Variants in CALD1 observed in about 807,000 individuals in gnomAD.
CALD1 encodes the protein caldesmon.
CALD1 carries 33 observed loss-of-function variants against 99.9 expected under a neutral mutation model. The observed-to-expected ratio is 0.33, with a 90% confidence interval of 0.25 to 0.44. The LOEUF is 0.44. Among genes scored for constraint, CALD1 ranks in the 20% least tolerant of loss-of-function variants. The pLI, the probability that CALD1 is intolerant of heterozygous loss-of-function variation, is 1.00. For synonymous variants in CALD1, 310 were observed against 325.0 expected (o/e 0.95, Z 0.50); for missense variants, 861 against 962.1 (o/e 0.89, Z 1.39).
chr7:134,818,933 C>T (rs1798664017), intron 1 of CALD1, among the ~76,000 whole-genome samples: 1 of 152,166 alleles, frequency 6.6e-6, no homozygotes, highest in South Asian at 2.1e-4. Flanking sequence ...GAGGAAAACA[C>T]AGGAGACTGG....
chr7:134,737,337 C>T, the CALD1 span, among the ~76,000 whole-genome samples: 1 of 152,076 alleles, frequency 6.6e-6, no homozygotes, highest in African/African-American at 2.4e-5. Flanking sequence ...CCAACTTTCC[C>T]AGGCTGGTCT....
intron 7 of CALD1, among the ~76,000 whole-genome samples, chr7:134,942,543 T>C (rs1025680395): frequency 1.3e-5 from 2 of 152,208 alleles, no homozygotes; most frequent in African/African-American, 4.8e-5. Context: ...GCCAAGAGAA[T>C]AGATGTGAAA....
chr7:134,858,708 T>C (rs1276522131), intron 2 of CALD1, among the ~76,000 whole-genome samples: 1 of 152,090 alleles, frequency 6.6e-6, no homozygotes, highest in Non-Finnish European at 1.5e-5. Flanking sequence ...TAGCTGGGAC[T>C]ACAGGTGTGC....
At chr7:134,779,813 C>T (rs1162914484) in intron 1 of CALD1, 64 bp downstream of exon 1, 1 of 397,434 alleles carries the variant, frequency 2.5e-6, no homozygotes, top group Non-Finnish European at 4.4e-6. Context: ...CTCCGGCTTT[C>T]AGTCAACATT....
chr7:134,897,530 A>C (rs964491587), intron 3 of CALD1, among the ~76,000 whole-genome samples: 23 of 152,112 alleles, frequency 1.5e-4, no homozygotes, highest in Non-Finnish European at 2.6e-4. Context: ...CAGAAGCTGC[A>C]GATGGGTCAC....
intron 3 of CALD1, among the ~76,000 whole-genome samples, chr7:134,915,177 T>G (rs1257738589): frequency 1.3e-5 from 2 of 152,200 alleles, no homozygotes; most frequent in South Asian, 2.1e-4. Flanking sequence ...TAGGCCCCCA[T>G]GCCTCCTCCT....
At chr7:134,963,701 T>TA (rs1266883257) in intron 13 of CALD1, among the ~76,000 whole-genome samples, 1 of 152,210 alleles carries the variant, frequency 6.6e-6, no homozygotes, top group Admixed American at 6.5e-5. Context: ...CTAAGCTGTA[T>TA]AACTGTTATC....
intron 1 of CALD1, among the ~76,000 whole-genome samples, chr7:134,767,760 T>C (rs1474449906): frequency 6.6e-6 from 1 of 152,220 alleles, no homozygotes; most frequent in African/African-American, 2.4e-5. Context: ...CTCTGGTGCC[T>C]GTCAGAGCTT....
intron 9 of CALD1, among the ~76,000 whole-genome samples, chr7:134,956,989 C>T (rs1807822199): frequency 6.6e-6 from 1 of 151,044 alleles, no homozygotes; most frequent in African/African-American, 2.5e-5. Flanking sequence ...CAAAAAAGTT[C>T]CTAGCTTTAA....
At chr7:134,922,967 T>C (rs1268280915) in intron 3 of CALD1, among the ~76,000 whole-genome samples, 2 of 152,210 alleles carry the variant, frequency 1.3e-5, no homozygotes, top group East Asian at 3.8e-4. Context: ...TAAGCAATGG[T>C]TCCAGGAATG....
At chr7:134,741,143 G>A (rs992099188), upstream of CALD1, among the ~76,000 whole-genome samples, 1 of 152,144 alleles carries the variant, frequency 6.6e-6, no homozygotes, top group Non-Finnish European at 1.5e-5. Flanking sequence ...CTGCCATAAG[G>A]ACACATCTGA....
chr7:134,801,365 A>G (rs1023082325), intron 1 of CALD1, among the ~76,000 whole-genome samples: 2 of 152,024 alleles, frequency 1.3e-5, no homozygotes, highest in Non-Finnish European at 2.9e-5. Context: ...TAATCTACCA[A>G]TATATTTTGT....
chr7:134,931,530 T>C (rs1345813800), intron 4 of CALD1, among the ~76,000 whole-genome samples: 1 of 152,242 alleles, frequency 6.6e-6, no homozygotes, highest in Non-Finnish European at 1.5e-5. Context: ...AAATATGAAA[T>C]GTGTTTTTTC....
chr7:134,774,429 T>C (rs1413044457), intron 1 of CALD1, among the ~76,000 whole-genome samples: 2 of 152,292 alleles, frequency 1.3e-5, no homozygotes, highest in East Asian at 3.9e-4. Flanking sequence ...ATTTAAACAT[T>C]TATTTTCAGC....
chr7:134,954,459 C>G (rs1040938979), intron 9 of CALD1, among the ~76,000 whole-genome samples: 3 of 152,134 alleles, frequency 2.0e-5, no homozygotes, highest in Non-Finnish European at 4.4e-5. Context: ...ATTTAATATA[C>G]AAATTCAGTA....
At chr7:134,815,102 C>A (rs1798508361) in intron 1 of CALD1, among the ~76,000 whole-genome samples, 1 of 152,192 alleles carries the variant, frequency 6.6e-6, no homozygotes, top group Non-Finnish European at 1.5e-5. Context: ...GTACTTTTGA[C>A]TAGGTTGCTT....
intron 1 of CALD1, among the ~76,000 whole-genome samples, chr7:134,748,185 T>C (rs1585896101): frequency 6.6e-6 from 1 of 152,266 alleles, no homozygotes; most frequent in East Asian, 1.9e-4. Context: ...TATTTCTCCA[T>C]CTTGGAATGG....
upstream of CALD1, among the ~76,000 whole-genome samples, chr7:134,778,952 C>T (rs945561643): frequency 2.6e-5 from 4 of 152,180 alleles, no homozygotes; most frequent in African/African-American, 7.2e-5. Context: ...AAAAGACCTA[C>T]GCTTTTGGTT....
chr7:134,949,736 T>C (rs140678879), intron 8 of CALD1, among the ~76,000 whole-genome samples: 175 of 152,284 alleles, frequency 1.1e-3, no homozygotes, highest in African/African-American at 3.9e-3. Flanking sequence ...AGGTCATTGT[T>C]AATGACCCAC....
Sources: allele counts gnomAD v4.1 joint callset (sites outside exome capture counted in the v4.1 genomes callset), GRCh38; gene constraint gnomAD v4.1.1; transcripts MANE v1.5; gene names NCBI Gene and HGNC (gene_info 2026-07-23, HGNC 2026-07-21).